The following CADM2 variants were observed in gnomAD, a reference collection of about 807,000 sequenced individuals.
CADM2 encodes immunoglobulin superfamily member 4D.
A neutral mutation model predicts 49.8 loss-of-function variants in CADM2; 12 were observed. That is an observed-to-expected ratio of 0.24 (90% CI 0.15 to 0.39). The LOEUF is 0.39. Among genes scored for constraint, CADM2 ranks in the 10% least tolerant of loss-of-function variants. CADM2 has a pLI of 1.00. For missense variants in CADM2, 378 were observed against 492.3 expected (o/e 0.77, Z 2.20); for synonymous variants, 214 against 175.4 (o/e 1.22, Z -1.74).
intron 1 of CADM2, among the ~76,000 whole-genome samples, chr3:85,719,559 T>C (rs141134960): frequency 6.6e-6 from 1 of 152,204 alleles, no homozygotes; most frequent in African/African-American, 2.4e-5. Flanking sequence ...AAGAGAATCA[T>C]AAAGAGGAGA....
intron 5 of CADM2, among the ~76,000 whole-genome samples, chr3:85,910,391 G>C (rs1483963812): frequency 6.6e-6 from 1 of 152,044 alleles, no homozygotes; most frequent in Non-Finnish European, 1.5e-5. Flanking sequence ...CTATGAGACT[G>C]AAAAGTGAAA....
At position 85,359,657 on chromosome 3, in the gene CADM2, TATATATATA is replaced by T. The variant is rs1156985496; in HGVS notation, c.62-366864_62-366856del. Among the ~76,000 whole-genome samples the T allele has an allele frequency of 3.5e-3, 72 of 20,516 alleles. 5 individuals carry two copies. The highest frequency in any genetic ancestry group is 6.9e-3 in the African/African-American group (68 of 9,892). The allele number at this position is 20,516 out of a possible 152,430, so 13.5% of individuals were successfully genotyped here. On this transcript the variant is annotated intron_variant, in intron 1 of 9. Transcript: ENST00000383699. ...GTCAGCATATATATATATATATATA[TATATATATA>T]TTTTTTTTTTTGGTGGAGGGGAGAA...
intron 1 of CADM2, among the ~76,000 whole-genome samples, chr3:85,289,995 A>C (rs1238011634): frequency 6.6e-6 from 1 of 152,162 alleles, no homozygotes; most frequent in African/African-American, 2.4e-5. Context: ...AGCTCAGCAG[A>C]AGACTGGTGA....
chr3:85,826,495 A>G (rs2073918762), intron 3 of CADM2, among the ~76,000 whole-genome samples: 1 of 152,010 alleles, frequency 6.6e-6, no homozygotes, highest in Admixed American at 6.6e-5. Context: ...TATGGTTAGC[A>G]TAGATGCAAA....
At chr3:85,866,607 T>C (rs1577512074) in intron 3 of CADM2, among the ~76,000 whole-genome samples, 1 of 152,314 alleles carries the variant, frequency 6.6e-6, no homozygotes, top group African/African-American at 2.4e-5. Context: ...TACAGGCACT[T>C]TGTACTTCTT....
intron 1 of CADM2, among the ~76,000 whole-genome samples, chr3:85,711,079 G>A (rs1263097120): frequency 6.6e-6 from 1 of 151,946 alleles, no homozygotes; most frequent in East Asian, 1.9e-4. Context: ...AAACTGTTGG[G>A]ATTTCTTAAC....
intron 1 of CADM2, among the ~76,000 whole-genome samples, chr3:85,312,041 A>AT (rs75721743): frequency 1.3e-5 from 2 of 151,898 alleles, no homozygotes; most frequent in African/African-American, 2.4e-5. Context: ...GGTGTGAATT[A>AT]TTTTTTTTAA....
At chr3:85,427,794 G>A (rs2036483386) in intron 1 of CADM2, among the ~76,000 whole-genome samples, 1 of 152,052 alleles carries the variant, frequency 6.6e-6, no homozygotes, top group Non-Finnish European at 1.5e-5. Context: ...TTTAAAACAT[G>A]TTTCCTACTA....
Position 85,136,726 on chromosome 3 carries a change from T to A in CADM2, c.61+177058T>A, listed in dbSNP as rs534086401. Among the ~76,000 whole-genome samples the A allele has an allele frequency of 1.4e-4, 22 of 152,056 alleles. No homozygotes were observed. In the East Asian group the frequency reaches 4.1e-3, roughly 28 times the overall value. On this transcript the variant is annotated intron_variant, in intron 1 of 9. Transcript: ENST00000383699. Reference sequence around the variant, plus strand: ...AACTTCAAGAAAATAAGTCAATTAATTAATGCATTTTTAATGACTACCTCC... The same window carrying A: ...AACTTCAAGAAAATAAGTCAATTAAATAATGCATTTTTAATGACTACCTCC...
At chr3:85,616,124 A>T (rs1249754260) in intron 1 of CADM2, among the ~76,000 whole-genome samples, 1 of 151,912 alleles carries the variant, frequency 6.6e-6, no homozygotes, top group Admixed American at 6.6e-5. Flanking sequence ...TTACTGAATT[A>T]ATCCTCATTT....
At chr3:85,555,780 T>C (rs2061942768) in intron 1 of CADM2, among the ~76,000 whole-genome samples, 1 of 152,148 alleles carries the variant, frequency 6.6e-6, no homozygotes, top group Non-Finnish European at 1.5e-5. Context: ...TCACGCTTTG[T>C]CATTTCAATT....
chr3:85,041,013 TAAATA>T (rs1222781793), intron 1 of CADM2, among the ~76,000 whole-genome samples: 1 of 152,210 alleles, frequency 6.6e-6, no homozygotes, highest in Non-Finnish European at 1.5e-5. Context: ...TTCTTGTAAT[TAAATA>T]TCAGTTTGGA....
intron 1 of CADM2, among the ~76,000 whole-genome samples, chr3:85,089,826 A>G (rs1559654876): frequency 6.6e-6 from 1 of 152,122 alleles, no homozygotes. Context: ...TATTTGTACT[A>G]TGTTTATCTT....
chr3:84,993,704 G>A (rs2033022990), intron 1 of CADM2, among the ~76,000 whole-genome samples: 1 of 152,122 alleles, frequency 6.6e-6, no homozygotes, highest in Non-Finnish European at 1.5e-5. Flanking sequence ...TCATAGACAT[G>A]TTCTAAAAGG....
At position 85,801,946 on chromosome 3, in the gene CADM2, A is replaced by C. The variant is rs191313257; in HGVS notation, c.89-101A>C. 1.0e-4 allele frequency: 101 copies of C among 973,184 alleles called. 1 individual carries two copies. In the East Asian group the frequency reaches 2.2e-3, roughly 21 times the overall value. 60.3% of individuals were successfully genotyped at this position (973,184 alleles called of 1,614,324 possible). ...AGTTTTGTCGTTGTTTGGTTGTTTT[A>C]AATTTTATTTTGCATGAGAAGTTAA... On this transcript the variant is annotated intron_variant, in intron 2 of 9. Coordinates refer to ENST00000383699, the MANE Select transcript of CADM2 (RefSeq NM_001167675.2).
At chr3:85,399,200 C>T (rs2034956720) in intron 1 of CADM2, among the ~76,000 whole-genome samples, 1 of 152,166 alleles carries the variant, frequency 6.6e-6, no homozygotes, top group Non-Finnish European at 1.5e-5. Flanking sequence ...TTTCAGCTTT[C>T]TACATATGGC....
chr3:85,178,222 C>A (rs2040836190), intron 1 of CADM2, among the ~76,000 whole-genome samples: 1 of 151,834 alleles, frequency 6.6e-6, no homozygotes, highest in Non-Finnish European at 1.5e-5. Context: ...ATTTCAATGA[C>A]TCAAATTAAA....
chr3:84,982,326 A>G (rs1386690127), intron 1 of CADM2, among the ~76,000 whole-genome samples: 2 of 152,196 alleles, frequency 1.3e-5, no homozygotes, highest in Non-Finnish European at 2.9e-5. Context: ...ATTTCAAAAT[A>G]AATATAAGCC....
chr3:85,307,045 G>C (rs1340793572), intron 1 of CADM2, among the ~76,000 whole-genome samples: 2 of 151,432 alleles, frequency 1.3e-5, no homozygotes, highest in Non-Finnish European at 3.0e-5. Context: ...GCATTATTGT[G>C]TGCGTGTTTT....
Sources: allele counts gnomAD v4.1 joint callset (sites outside exome capture counted in the v4.1 genomes callset), GRCh38; gene constraint gnomAD v4.1.1; transcripts MANE v1.5; gene names NCBI Gene and HGNC (gene_info 2026-07-23, HGNC 2026-07-21).